AOX1: variants seen among roughly 807,000 people sequenced by gnomAD.
AOX1 encodes aldehyde oxidase.
A neutral mutation model predicts 169.5 loss-of-function variants in AOX1; 153 were observed. The ratio of observed to expected loss-of-function variants is 0.90; its 90% CI spans 0.79 to 1.03. The LOEUF (loss-of-function observed/expected upper bound fraction) is 1.03, where lower values mean the gene tolerates loss of function less well. Ranked by LOEUF, AOX1 falls within the 50% of genes least tolerant of loss-of-function variation. The pLI, the probability that AOX1 is intolerant of heterozygous loss-of-function variation, is 0.00. For missense variants in AOX1, 1,656 were observed against 1,663.9 expected, an observed-to-expected ratio of 1.00 and a Z score of 0.08; for synonymous variants, 562 against 581.9, an observed-to-expected ratio of 0.97 and a Z score of 0.49.
At chr2:200,617,049 C>A (rs1252618062) in intron 16 of AOX1, among the ~76,000 whole-genome samples, 3 of 152,028 alleles carry the variant, frequency 2.0e-5, no homozygotes, top group Non-Finnish European at 2.9e-5. Flanking sequence ...TATAAATACC[C>A]TAATATTTCT....
chr2:200,673,334 C>T (rs149024316), downstream of AOX1, among the ~76,000 whole-genome samples: 10 of 152,280 alleles, frequency 6.6e-5, no homozygotes, highest in East Asian at 1.9e-3. Flanking sequence ...GCACTTCAAA[C>T]GTCCCAAGCA....
chr2:200,613,003 C>CGTGT (rs745607427), intron 14 of AOX1, among the ~76,000 whole-genome samples: 30 of 144,220 alleles, frequency 2.1e-4, no homozygotes, highest in African/African-American at 4.9e-4. Context: ...ACTCTGTGTG[C>CGTGT]GTGTGTGTGT....
At chr2:200,670,219 T>C (rs2036000860) in intron 34 of AOX1, among the ~76,000 whole-genome samples, 1 of 152,102 alleles carries the variant, frequency 6.6e-6, no homozygotes, top group South Asian at 2.1e-4. Flanking sequence ...TCTACCCTCC[T>C]TGGATATTTT....
intron 25 of AOX1, among the ~76,000 whole-genome samples, chr2:200,645,039 T>C (rs1044965349): frequency 1.3e-5 from 2 of 152,188 alleles, no homozygotes; most frequent in African/African-American, 4.8e-5. Context: ...CCTTTATTTC[T>C]TTCTGTTGTC....
chr2:200,665,243 C>T (rs2035904150), intron 31 of AOX1, among the ~76,000 whole-genome samples: 1 of 152,186 alleles, frequency 6.6e-6, no homozygotes, highest in African/African-American at 2.4e-5. Flanking sequence ...CTACTGTCAC[C>T]TCTGCCATAG....
Position 200,586,026 on chromosome 2 carries a change from G to A in AOX1, c.-83G>A. On this transcript the variant is annotated 5_prime_UTR_variant, in exon 1 of 35. Coordinates refer to ENST00000374700, the MANE Select transcript of AOX1 (RefSeq NM_001159.4). The stretch of plus-strand genomic sequence containing the variant: ...CAAGCCCCGCCCCACTCGGCGGGTC[G>A]GTGCCGCCGGGTCCCAGGTGCCCGC... 1.3e-6 allele frequency: 2 copies of A among 1,492,028 alleles called. No homozygotes were observed. The highest frequency in any genetic ancestry group is 1.8e-6 in the Non-Finnish European group (2 of 1,101,578). 92.4% of individuals were successfully genotyped at this position (1,492,028 alleles called of 1,614,324 possible).
At chr2:200,663,572 A>ACTCTCTCTCTCTCT (rs1226325589) in intron 31 of AOX1, among the ~76,000 whole-genome samples, 1 of 105,058 alleles carries the variant, frequency 9.5e-6, no homozygotes, top group Non-Finnish European at 2.0e-5. Flanking sequence ...ACACACACAC[A>ACTCTCTCTCTCTCT]CTCTCTCTCT....
At chr2:200,612,882 A>G in intron 14 of AOX1, 89 bp downstream of exon 14, 1 of 1,042,456 alleles carries the variant, frequency 9.6e-7, no homozygotes, top group East Asian at 2.5e-5. Context: ...ATGTGATTAC[A>G]AGAAGAAAAG....
In AOX1 at chr2:200,659,256, G is replaced by A. The variant is rs1019634379; in HGVS notation, c.3263G>A (p.Gly1088Asp). The A allele has an allele frequency of 1.2e-6, 2 of 1,613,584 alleles. No homozygotes were observed. The highest frequency in any genetic ancestry group is 1.3e-5 in the African/African-American group (1 of 74,880). The change falls in exon 28 of 35, where the codon GGT becomes GAT. Residue 1088 changes from glycine (G) to aspartate (D), a missense_variant. Gly to Asp is a moderately conservative substitution (Grantham distance 94). Coordinates refer to ENST00000374700, the MANE Select transcript of AOX1 (RefSeq NM_001159.4). Reference protein sequence around the residue: ...ETVPNANISGGSVVADLNGLA... With the variant: ...ETVPNANISGDSVVADLNGLA... ...GTCCCTAATGCAAATATCTCTGGAG[G>A]TTCTGTGGTGGCAGATCTCAACGGT...
intron 25 of AOX1, among the ~76,000 whole-genome samples, chr2:200,645,219 T>C (rs966199809): frequency 6.6e-6 from 1 of 152,222 alleles, no homozygotes; most frequent in African/African-American, 2.4e-5. Flanking sequence ...TTGTCATAGA[T>C]GGCTTTTATT....
In AOX1 at chr2:200,662,887, G is replaced by A. The variant is rs751547917; in HGVS notation, c.3461G>A (p.Gly1154Asp). The A allele has an allele frequency of 6.2e-7, 1 of 1,614,046 alleles. No individual in the cohort carries two copies. Among genetic ancestry groups the A allele is most frequent in the Admixed American group, 1.7e-5 (1 of 60,026 alleles). The change falls in exon 31 of 35, where the codon GGC (glycine) becomes GAC (aspartate). Residue 1154 changes from glycine to aspartate, a missense_variant. Transcript: ENST00000374700. ...GYESDMNWEK[G>D]EGQPFEYFVY... ...GAGTCAGACATGAACTGGGAGAAAG[G>A]CGAAGGCCAGCCCTTCGAATACTTT... is the stretch of plus-strand genomic sequence containing the variant.
At chr2:200,601,269 A>G (rs2105695002) in intron 5 of AOX1, among the ~76,000 whole-genome samples, 1 of 152,288 alleles carries the variant, frequency 6.6e-6, no homozygotes, top group African/African-American at 2.4e-5. Flanking sequence ...TCAAACTCAC[A>G]GAAGTAGAGA....
In AOX1 at chr2:200,656,858, A is replaced by T. The variant is rs776595214; in HGVS notation, c.3092A>T (p.His1031Leu). The change falls in exon 27 of 35, where the codon CAC becomes CTC. Residue 1031 changes from histidine to leucine, a missense_variant. His to Leu is a moderately conservative substitution (Grantham distance 99). Transcript: ENST00000374700. ...RAAGQAAALV[H>L]IYLDGSVLVT... Reference sequence around the variant, plus strand: ...TCTGCTCAGGCTGCTGCCTTGGTTCACATTTATCTTGATGGCTCTGTGCTG... The same window carrying T: ...TCTGCTCAGGCTGCTGCCTTGGTTCTCATTTATCTTGATGGCTCTGTGCTG... The T allele has an allele frequency of 6.3e-7, 1 of 1,583,230 alleles. No homozygotes were observed. The highest frequency in any genetic ancestry group is 1.4e-5 in the African/African-American group (1 of 73,694).
At chr2:200,593,505 T>C (rs2034217552) in intron 2 of AOX1, among the ~76,000 whole-genome samples, 1 of 152,190 alleles carries the variant, frequency 6.6e-6, no homozygotes, top group African/African-American at 2.4e-5. Context: ...ATATTTATAC[T>C]CTGTCCTTAA....
At chr2:200,656,981 G>A in intron 27 of AOX1, 44 bp downstream of exon 27, 2 of 1,340,800 alleles carry the variant, frequency 1.5e-6, no homozygotes, top group East Asian at 2.5e-5. Flanking sequence ...TGTGCTTATA[G>A]ATCTGTTCAT....
At chr2:200,640,750 T>C (rs976407809) in intron 23 of AOX1, among the ~76,000 whole-genome samples, 9 of 152,190 alleles carry the variant, frequency 5.9e-5, no homozygotes, top group Admixed American at 3.3e-4. Context: ...GTCATAATGG[T>C]GACTAAAACT....
At chr2:200,667,514 GA>G (rs894682099) in intron 32 of AOX1, among the ~76,000 whole-genome samples, 3 of 150,788 alleles carry the variant, frequency 2.0e-5, no homozygotes, top group Non-Finnish European at 2.9e-5. Context: ...GTGGTGTGGA[GA>G]AGTCAAAGGA....
Position 200,642,665 on chromosome 2 carries a change from G to A in AOX1, c.2711G>A (p.Arg904His), listed in dbSNP as rs776522269. Residue 904 changes from arginine (R) to histidine (H), a missense_variant, in exon 25 of 35, where the codon CGC becomes CAC. Arg to His is a conservative substitution (Grantham distance 29). Coordinates refer to ENST00000374700, the MANE Select transcript of AOX1 (RefSeq NM_001159.4). ...MDNAYKFPNL[R>H]CRGWACRTNL... ...AATGCTTACAAGTTTCCCAATCTCCGCTGCCGGGGTTGGGCATGCAGAACC... is the reference window on the plus strand; with the variant it reads ...AATGCTTACAAGTTTCCCAATCTCCACTGCCGGGGTTGGGCATGCAGAACC... 7.4e-6 allele frequency: 12 copies of A among 1,614,108 alleles called. No homozygotes were observed. Among genetic ancestry groups the A allele is most frequent in the African/African-American group, 2.7e-5 (2 of 75,042 alleles).
chr2:200,603,132 A>T, intron 6 of AOX1, 135 bp from the exon 7 acceptor site: 2 of 688,400 alleles, frequency 2.9e-6, no homozygotes, highest in Non-Finnish European at 4.9e-6. Flanking sequence ...GGATATGTTT[A>T]AGTACAAATG....
Sources: allele counts gnomAD v4.1 joint callset (sites outside exome capture counted in the v4.1 genomes callset), GRCh38; gene constraint gnomAD v4.1.1; transcripts MANE v1.5; gene names NCBI Gene and HGNC (gene_info 2026-07-23, HGNC 2026-07-21).